DNAH8: variants seen among roughly 807,000 people sequenced by gnomAD.
DNAH8 encodes axonemal beta dynein heavy chain 8.
In DNAH8, 382 loss-of-function variants were observed where a neutral mutation model predicts 562.1. The ratio of observed to expected loss-of-function variants is 0.68; its 90% CI spans 0.63 to 0.74. DNAH8 has a LOEUF of 0.74. Ranked by LOEUF, DNAH8 falls within the 30% of genes least tolerant of loss-of-function variation. DNAH8 has a pLI of 0.00. For synonymous variants in DNAH8, 1,881 were observed against 1,919.4 expected, an observed-to-expected ratio of 0.98 and a Z score of 0.52; for missense variants, 5,203 against 5,620.4, an observed-to-expected ratio of 0.93 and a Z score of 2.37.
intron 4 of DNAH8, among the ~76,000 whole-genome samples, chr6:38,732,466 T>G (rs538733424): frequency 4.7e-4 from 71 of 152,320 alleles, no homozygotes; most frequent in African/African-American, 1.7e-3. Flanking sequence ...GCTCTTATAT[T>G]GCTACGTACC....
chr6:38,909,500 T>C lies in DNAH8; in HGVS notation c.9514-18T>C, dbSNP rs1217761165. ...ACCCCTCTGTGTTTCTAATGTTTGT[T>C]GACTTTGCTATCAATAGGTTGGTGA... On this transcript the variant is annotated intron_variant, in intron 64 of 92. Transcript: ENST00000327475. 4 of 1,612,480 alleles carry C rather than the reference T, an allele frequency of 2.5e-6. No individual in the cohort carries two copies. The highest frequency in any genetic ancestry group is 3.4e-6 in the Non-Finnish European group (4 of 1,178,594).
At chr6:38,764,197 T>A (rs1766774740) in intron 11 of DNAH8, 1 of 153,578 alleles carries the variant, frequency 6.5e-6, no homozygotes, top group African/African-American at 2.4e-5. Context: ...ATGAGCCAAT[T>A]AGAACAGAGA....
intron 91 of DNAH8, among the ~76,000 whole-genome samples, chr6:39,017,692 A>G (rs1417485970): frequency 5.3e-5 from 8 of 152,192 alleles, no homozygotes; most frequent in Non-Finnish European, 1.0e-4. Context: ...TGTGTCAGAT[A>G]TCAGTGACAA....
At chr6:38,718,388 T>A (rs1401737660) in intron 1 of DNAH8, among the ~76,000 whole-genome samples, 1 of 152,204 alleles carries the variant, frequency 6.6e-6, no homozygotes, top group African/African-American at 2.4e-5. Context: ...TGCATCACTC[T>A]TATAAGTTGA....
At chr6:38,809,306 G>A (rs1288417153) in intron 24 of DNAH8, among the ~76,000 whole-genome samples, 1 of 152,002 alleles carries the variant, frequency 6.6e-6, no homozygotes, top group Non-Finnish European at 1.5e-5. Context: ...AGTGATTTGT[G>A]ATCTGTTTAA....
At chr6:38,799,315 C>G (rs1770570540) in intron 21 of DNAH8, among the ~76,000 whole-genome samples, 1 of 151,996 alleles carries the variant, frequency 6.6e-6, no homozygotes, top group African/African-American at 2.4e-5. Flanking sequence ...GCTGTTGATT[C>G]CATGCCTACC....
chr6:38,999,746 A>G (rs1194488592), intron 88 of DNAH8, among the ~76,000 whole-genome samples: 1 of 151,672 alleles, frequency 6.6e-6, no homozygotes, highest in Non-Finnish European at 1.5e-5. Flanking sequence ...GAACTTATCA[A>G]TTGTCAAAGA....
intron 12 of DNAH8, among the ~76,000 whole-genome samples, chr6:38,772,978 T>TTTTTTTTTTTTTC (rs1767719015): frequency 2.6e-5 from 1 of 37,902 alleles, no homozygotes; most frequent in Non-Finnish European, 5.8e-5. Flanking sequence ...AAACTTTTTT[T>TTTTTTTTTTTTTC]TTTTTTTTTT....
chr6:38,958,295 G>C (rs1012388205), intron 82 of DNAH8, among the ~76,000 whole-genome samples: 1 of 151,588 alleles, frequency 6.6e-6, no homozygotes, highest in African/African-American at 2.4e-5. Context: ...GTGAGCCACC[G>C]CGCCCGGCCG....
chr6:38,882,808 A>T, intron 53 of DNAH8, 102 bp from the exon 54 acceptor site: 1 of 735,792 alleles, frequency 1.4e-6, no homozygotes, highest in Non-Finnish European at 2.1e-6. Context: ...TTGAATGTTT[A>T]TACGATTCTA....
intron 39 of DNAH8, 94 bp from the exon 40 acceptor site, chr6:38,852,600 C>T (rs549255652): frequency 2.3e-6 from 2 of 865,250 alleles, no homozygotes; most frequent in African/African-American, 1.7e-5. Flanking sequence ...AAATACTTAA[C>T]CTTTTAAAAA....
chr6:39,000,716 A>G (rs1762055434), intron 88 of DNAH8, among the ~76,000 whole-genome samples: 1 of 152,200 alleles, frequency 6.6e-6, no homozygotes, highest in Admixed American at 6.5e-5. Flanking sequence ...ATTATATATT[A>G]CAATGTAATA....
intron 26 of DNAH8, among the ~76,000 whole-genome samples, chr6:38,818,614 G>A (rs1772523228): frequency 1.3e-5 from 2 of 150,166 alleles, no homozygotes; most frequent in African/African-American, 2.5e-5. Flanking sequence ...GGAATTTCAA[G>A]GTGAATGTTG....
At chr6:38,930,537 T>C (rs1782478113) in intron 75 of DNAH8, among the ~76,000 whole-genome samples, 1 of 152,148 alleles carries the variant, frequency 6.6e-6, no homozygotes, top group Non-Finnish European at 1.5e-5. Flanking sequence ...CTTAAGCCTT[T>C]ATGAGTTTAT....
At chr6:38,753,335 A>C (rs1389952975) in intron 9 of DNAH8, among the ~76,000 whole-genome samples, 2 of 152,318 alleles carry the variant, frequency 1.3e-5, no homozygotes, top group South Asian at 4.1e-4. Flanking sequence ...CAACTTTACA[A>C]TGTGAGCAAT....
chr6:38,741,028 A>G (rs1045233840), intron 7 of DNAH8, among the ~76,000 whole-genome samples: 3 of 152,160 alleles, frequency 2.0e-5, no homozygotes, highest in African/African-American at 7.2e-5. Context: ...TTGTTCTGGG[A>G]TATCTATTAC....
At chr6:38,787,025 A>ATTTTT in intron 18 of DNAH8, 73 bp downstream of exon 18, 1 of 897,354 alleles carries the variant, frequency 1.1e-6, no homozygotes, top group Non-Finnish European at 1.6e-6. Context: ...ATATATATAT[A>ATTTTT]TATCCCTGCA....
chr6:39,029,580 C>T (rs908055389), intron 92 of DNAH8, among the ~76,000 whole-genome samples: 7 of 152,214 alleles, frequency 4.6e-5, no homozygotes, highest in African/African-American at 1.4e-4. Flanking sequence ...CTGCCCTGGC[C>T]ATGATTCCCC....
At chr6:39,009,298 TGC>T (rs202179053) in intron 89 of DNAH8, among the ~76,000 whole-genome samples, 50 of 74,858 alleles carry the variant, frequency 6.7e-4, no homozygotes, top group South Asian at 1.3e-3. Context: ...CCTTAAGCTG[TGC>T]TAAAAAAAAA....
Sources: gnomAD v4.1 joint callset for allele counts (sites outside exome capture counted in the v4.1 genomes callset) on GRCh38, gnomAD v4.1.1 for gene constraint, MANE v1.5 for transcripts, NCBI Gene and HGNC (gene_info 2026-07-23, HGNC 2026-07-21) for gene names.